NDEL1: variants seen among roughly 807,000 people sequenced by gnomAD.
The protein encoded by NDEL1 is nudE neurodevelopment protein 1 like 1.
Under a neutral mutation model 45.7 loss-of-function variants are expected in NDEL1, and 9 were observed. The observed-to-expected ratio is 0.20, with a 90% CI of 0.12 to 0.34. The LOEUF (loss-of-function observed/expected upper bound fraction) is 0.34. Among genes scored for constraint, NDEL1 ranks in the 10% least tolerant of loss-of-function variants. The pLI is 1.00. For missense variants in NDEL1, 306 were observed against 406.2 expected (o/e 0.75, Z 2.12); for synonymous variants, 133 against 158.6 (o/e 0.84, Z 1.21).
intron 5 of NDEL1, among the ~76,000 whole-genome samples, chr17:8,449,684 AG>A (rs1665006990): frequency 1.3e-5 from 2 of 152,196 alleles, no homozygotes; most frequent in African/African-American, 4.8e-5. Context: ...AATGTCCTCA[AG>A]GTTTATCCAT....
intron 1 of NDEL1, 32 bp from the exon 2 acceptor site, chr17:8,444,228 A>G (rs1398335790): frequency 7.4e-7 from 1 of 1,357,616 alleles, no homozygotes; most frequent in Admixed American, 1.7e-5. Context: ...TCTGTTCTCT[A>G]ATTTGTTAAG....
Position 8,463,390 on chromosome 17 carries a change from T to A in NDEL1, c.944+3230T>A, listed in dbSNP as rs754433014. 31 of 1,600,572 alleles carry A rather than the reference T, an allele frequency of 1.9e-5. No homozygotes were observed. In the South Asian group the frequency reaches 3.1e-4, roughly 16 times the overall value. ...TTGTTTGCTGTGCTCTTTTTCATTCTTTCTTAATCCTGGTGTGTGGTGGAA... is the reference window on the plus strand; with the variant it reads ...TTGTTTGCTGTGCTCTTTTTCATTCATTCTTAATCCTGGTGTGTGGTGGAA... On this transcript the variant is annotated intron_variant, in intron 8 of 8. Coordinates refer to ENST00000334527, the MANE Select transcript of NDEL1 (RefSeq NM_030808.5).
At chr17:8,443,295 G>T (rs116333837) in intron 1 of NDEL1, among the ~76,000 whole-genome samples, 80 of 152,334 alleles carry the variant, frequency 5.3e-4, no homozygotes, top group African/African-American at 1.8e-3. Context: ...CATGTGTGGG[G>T]TACAGAGGTA....
At chr17:8,466,908 T>G (rs769671157) in intron 8 of NDEL1, 22 bp from the exon 9 acceptor site, 6 of 1,610,688 alleles carry the variant, frequency 3.7e-6, no homozygotes, top group Non-Finnish European at 5.1e-6. Flanking sequence ...TCTTCCCTTC[T>G]GTGCTCTGGT....
intron 7 of NDEL1, among the ~76,000 whole-genome samples, chr17:8,458,407 C>G (rs1910985830): frequency 6.6e-6 from 1 of 152,128 alleles, no homozygotes; most frequent in African/African-American, 2.4e-5. Context: ...CCCTTTCCCC[C>G]CTCAAAAGAC....
intron 2 of NDEL1, 145 bp downstream of exon 2, chr17:8,444,502 C>T (rs1909955459): frequency 1.7e-6 from 1 of 604,422 alleles, no homozygotes. Flanking sequence ...ACAGTCACCA[C>T]ATGGGTTGTA....
At chr17:8,455,413 C>G (rs376678133) in intron 7 of NDEL1, among the ~76,000 whole-genome samples, 12 of 152,180 alleles carry the variant, frequency 7.9e-5, no homozygotes, top group African/African-American at 2.7e-4. Flanking sequence ...CCCAGCCGGA[C>G]GCGGTGGCTC....
chr17:8,441,117 C>G (rs975846648), intron 1 of NDEL1, among the ~76,000 whole-genome samples: 1 of 152,024 alleles, frequency 6.6e-6, no homozygotes, highest in Non-Finnish European at 1.5e-5. Context: ...ACTGAAAACT[C>G]AAAAGAAAAA....
intron 1 of NDEL1, among the ~76,000 whole-genome samples, chr17:8,437,420 T>A (rs1051060368): frequency 2.6e-5 from 4 of 152,242 alleles, no homozygotes; most frequent in African/African-American, 9.6e-5. Context: ...TAGTAAAACT[T>A]AGATCTTGCT....
chr17:8,428,323 G>GGTGTGTGTGTGTGTGT (rs61341198), intron 1 of NDEL1, among the ~76,000 whole-genome samples: 4 of 62,044 alleles, frequency 6.4e-5, no homozygotes. Context: ...AAGTGTGTGT[G>GGTGTGTGTGTGTGTGT]GTGTGTGTGT....
intron 3 of NDEL1, among the ~76,000 whole-genome samples, chr17:8,446,216 A>G (rs959988498): frequency 1.3e-5 from 2 of 152,138 alleles, no homozygotes; most frequent in Non-Finnish European, 1.5e-5. Context: ...ATATGCATTT[A>G]TTTCATTATT....
intron 3 of NDEL1, among the ~76,000 whole-genome samples, chr17:8,473,670 A>C (rs560572435): frequency 6.6e-6 from 1 of 152,322 alleles, no homozygotes; most frequent in South Asian, 2.1e-4. Context: ...ACTGCTGCCA[A>C]GAAGCCTAGT....
intron 8 of NDEL1, chr17:8,463,150 CT>C (rs201858278): frequency 5.3e-5 from 28 of 528,392 alleles, no homozygotes; most frequent in Non-Finnish European, 6.8e-5. Flanking sequence ...CAAAAACACT[CT>C]TTTTTTTCCC....
intron 7 of NDEL1, among the ~76,000 whole-genome samples, chr17:8,456,008 C>G (rs967278559): frequency 2.0e-5 from 3 of 152,204 alleles, no homozygotes; most frequent in African/African-American, 4.8e-5. Context: ...ATTACTATTT[C>G]CCTTAGTGAG....
intron 8 of NDEL1, chr17:8,463,194 C>G: frequency 1.5e-6 from 1 of 649,046 alleles, no homozygotes; most frequent in East Asian, 2.8e-5. Flanking sequence ...GTAACATGTG[C>G]TCTATTTTTG....
intron 3 of NDEL1, 89 bp from the exon 4 acceptor site, chr17:8,446,665 T>TC (rs1910098424): frequency 4.0e-6 from 5 of 1,265,546 alleles, no homozygotes; most frequent in Middle Eastern, 2.5e-4. Flanking sequence ...ATTCCTTGGG[T>TC]TCCCCCCCAC....
Position 8,448,552 on chromosome 17 carries a change from C to T in NDEL1, c.392C>T (p.Ala131Val). 1.2e-6 allele frequency: 2 copies of T among 1,610,796 alleles called. No individual in the cohort carries two copies. The highest frequency in any genetic ancestry group is 1.7e-6 in the Non-Finnish European group (2 of 1,178,264). Residue 131 changes from alanine to valine, a missense_variant and splice_region_variant, in exon 5 of 9, where the codon GCA becomes GTA. Transcript: ENST00000334527. Reference protein sequence around the residue: ...ANDDLERAKRATIVSLEDFEQ... With the variant: ...ANDDLERAKRVTIVSLEDFEQ... ...TGTACTCTAATTTTTCTTTTTAGGG[C>T]AACAATAGTTTCACTGGAAGACTTT...
At chr17:8,454,380 CAA>C (rs879578656) in intron 6 of NDEL1, among the ~76,000 whole-genome samples, 1 of 136,342 alleles carries the variant, frequency 7.3e-6, no homozygotes, top group African/African-American at 2.7e-5. Context: ...ATCAAATTGT[CAA>C]AAAAAAAAAA....
chr17:8,469,502 T>C (rs1244042642), downstream of NDEL1, among the ~76,000 whole-genome samples: 1 of 152,186 alleles, frequency 6.6e-6, no homozygotes, highest in Non-Finnish European at 1.5e-5. Context: ...GGGCCCTGGC[T>C]ACAGGGGCCC....
Sources: allele counts gnomAD v4.1 joint callset (sites outside exome capture counted in the v4.1 genomes callset), GRCh38; gene constraint gnomAD v4.1.1; transcripts MANE v1.5; gene names NCBI Gene and HGNC (gene_info 2026-07-23, HGNC 2026-07-21).